The following PDE7B variants were observed in gnomAD, a reference collection of about 807,000 sequenced individuals.
PDE7B encodes the protein 3',5'-cyclic-AMP phosphodiesterase 7B.
PDE7B carries 29 observed loss-of-function variants against 56.2 expected under a neutral mutation model. The ratio of observed to expected loss-of-function variants is 0.52; its 90% CI spans 0.38 to 0.70. PDE7B has a LOEUF of 0.70. Among genes scored for constraint, PDE7B ranks in the 30% least tolerant of loss-of-function variants. The probability of loss-of-function intolerance (pLI) is 0.00; values close to 1 mark genes in which losing one functional copy is unlikely to be tolerated. For synonymous variants in PDE7B, 197 were observed against 196.9 expected, an observed-to-expected ratio of 1.00 and a Z score of 0.00; for missense variants, 490 against 565.0, an observed-to-expected ratio of 0.87 and a Z score of 1.35.
intron 1 of PDE7B, among the ~76,000 whole-genome samples, chr6:135,904,226 C>G (rs1776056675): frequency 1.3e-5 from 2 of 152,184 alleles, no homozygotes; most frequent in African/African-American, 4.8e-5. Context: ...AGCACCTGAC[C>G]TTGTGGCAAG....
intron 2 of PDE7B, among the ~76,000 whole-genome samples, chr6:135,969,417 G>A (rs1174558205): frequency 6.6e-6 from 1 of 152,086 alleles, no homozygotes; most frequent in Non-Finnish European, 1.5e-5. Flanking sequence ...CTATAATGAG[G>A]AATGAATCAG....
At chr6:136,002,711 G>A (rs1254839425) in intron 2 of PDE7B, among the ~76,000 whole-genome samples, 1 of 152,148 alleles carries the variant, frequency 6.6e-6, no homozygotes, top group African/African-American at 2.4e-5. Context: ...CAAGTCCCTA[G>A]TGACCTACAA....
chr6:136,014,826 T>A (rs2128207505), intron 2 of PDE7B, among the ~76,000 whole-genome samples: 1 of 152,308 alleles, frequency 6.6e-6, no homozygotes, highest in Admixed American at 6.5e-5. Flanking sequence ...TGGCCCTCTG[T>A]TATTTTTCCA....
At chr6:136,172,389 T>C (rs994479004) in intron 8 of PDE7B, among the ~76,000 whole-genome samples, 10 of 152,254 alleles carry the variant, frequency 6.6e-5, no homozygotes, top group Non-Finnish European at 1.3e-4. Flanking sequence ...TGATGGCCAG[T>C]GATGGTGAGC....
At chr6:135,896,871 C>G (rs1237366026) in intron 1 of PDE7B, among the ~76,000 whole-genome samples, 1 of 152,046 alleles carries the variant, frequency 6.6e-6, no homozygotes, top group Non-Finnish European at 1.5e-5. Flanking sequence ...CTTGTGGAGG[C>G]AATAGTTAAA....
intron 2 of PDE7B, among the ~76,000 whole-genome samples, chr6:135,991,553 T>C (rs1444988039): frequency 6.6e-6 from 1 of 152,234 alleles, no homozygotes; most frequent in African/African-American, 2.4e-5. Flanking sequence ...TGCTTGCTGA[T>C]GGCTGAAATT....
At chr6:136,004,503 A>G (rs1170748584) in intron 2 of PDE7B, among the ~76,000 whole-genome samples, 2 of 152,166 alleles carry the variant, frequency 1.3e-5, no homozygotes, top group Non-Finnish European at 2.9e-5. Flanking sequence ...ACTTCAGCAA[A>G]GTCTCAGGAT....
rs1216469235 is a variant in PDE7B, at chr6:135,865,476, T to C, written c.21+13457T>C. 2.0e-5 allele frequency among the ~76,000 whole-genome samples: 3 copies of C among 152,162 alleles called. No homozygotes were observed. In the East Asian group the frequency reaches 5.8e-4, roughly 29 times the overall value. Reference sequence around the variant, plus strand: ...CTTGCCTCTCATATCCTTAAACATATTCTGCAAATCATTATAAAACTTTTG... The same window carrying C: ...CTTGCCTCTCATATCCTTAAACATACTCTGCAAATCATTATAAAACTTTTG... On this transcript the variant is annotated intron_variant, in intron 1 of 12. Coordinates refer to ENST00000308191, the MANE Select transcript of PDE7B (RefSeq NM_018945.4).
At chr6:136,100,075 G>C (rs867044562) in intron 2 of PDE7B, among the ~76,000 whole-genome samples, 1 of 152,200 alleles carries the variant, frequency 6.6e-6, no homozygotes, top group African/African-American at 2.4e-5. Context: ...TCAAAGATCA[G>C]ATGGTTGTAG....
At chr6:135,936,407 C>T (rs185125273) in intron 1 of PDE7B, among the ~76,000 whole-genome samples, 7 of 152,264 alleles carry the variant, frequency 4.6e-5, no homozygotes, top group South Asian at 4.2e-4. Flanking sequence ...ATCAGGAAAA[C>T]GAATGCCTAA....
At chr6:135,997,041 A>C (rs1013487651) in intron 2 of PDE7B, among the ~76,000 whole-genome samples, 12 of 152,092 alleles carry the variant, frequency 7.9e-5, no homozygotes, top group Non-Finnish European at 5.9e-5. Context: ...TGGAAGCTGG[A>C]GGCCATCATT....
At chr6:136,014,578 T>C (rs1465100074) in intron 2 of PDE7B, among the ~76,000 whole-genome samples, 1 of 152,210 alleles carries the variant, frequency 6.6e-6, no homozygotes, top group Admixed American at 6.5e-5. Context: ...TGTAGTTCTC[T>C]ATTCATTAGT....
At chr6:135,989,601 C>A (rs956303630) in intron 2 of PDE7B, among the ~76,000 whole-genome samples, 1 of 151,618 alleles carries the variant, frequency 6.6e-6, no homozygotes, top group Non-Finnish European at 1.5e-5. Flanking sequence ...GCAACAAGAG[C>A]GAAACTCTGT....
chr6:136,191,017 T>TTTTTTC (rs1181961674), intron 12 of PDE7B, among the ~76,000 whole-genome samples: 21 of 143,636 alleles, frequency 1.5e-4, no homozygotes, highest in African/African-American at 4.8e-4. Flanking sequence ...CATACACTTT[T>TTTTTTC]TTTTTTTTTT....
chr6:135,920,676 T>C (rs1326895961), intron 1 of PDE7B, among the ~76,000 whole-genome samples: 4 of 152,184 alleles, frequency 2.6e-5, no homozygotes, highest in Non-Finnish European at 4.4e-5. Context: ...AACCACAGCA[T>C]ATGAAGTTCT....
chr6:135,932,802 G>A (rs918235538), intron 1 of PDE7B, among the ~76,000 whole-genome samples: 1 of 152,182 alleles, frequency 6.6e-6, no homozygotes, highest in African/African-American at 2.4e-5. Context: ...CTTGCTTAAT[G>A]ATTTGGAGAC....
At chr6:135,936,637 G>C (rs1220439350) in intron 1 of PDE7B, among the ~76,000 whole-genome samples, 2 of 152,146 alleles carry the variant, frequency 1.3e-5, no homozygotes. Flanking sequence ...CTGAAGGTGA[G>C]AGTCAAGTCA....
chr6:135,972,770 G>A (rs949563759), intron 2 of PDE7B, among the ~76,000 whole-genome samples: 1 of 152,118 alleles, frequency 6.6e-6, no homozygotes, highest in Non-Finnish European at 1.5e-5. Flanking sequence ...CATTGATAAT[G>A]GACTAAAAGA....
chr6:135,956,338 G>A (rs537066346), intron 2 of PDE7B, among the ~76,000 whole-genome samples: 3 of 152,216 alleles, frequency 2.0e-5, no homozygotes, highest in African/African-American at 7.2e-5. Context: ...TACTGTAGAG[G>A]TCAAATGAGA....
Sources: allele counts gnomAD v4.1 joint callset (sites outside exome capture counted in the v4.1 genomes callset), GRCh38; gene constraint gnomAD v4.1.1; transcripts MANE v1.5; gene names NCBI Gene and HGNC (gene_info 2026-07-23, HGNC 2026-07-21).